Variants in TTC27 observed in about 807,000 individuals in gnomAD.
TTC27 encodes tetratricopeptide repeat protein 27.
Under a neutral mutation model 115.9 loss-of-function variants are expected in TTC27, and 79 were observed. That is an observed-to-expected ratio of 0.68 (90% CI 0.57 to 0.82). The LOEUF (loss-of-function observed/expected upper bound fraction) is 0.82, where lower values mean the gene tolerates loss of function less well. Ranked by LOEUF, TTC27 falls within the 40% of genes least tolerant of loss-of-function variation. TTC27 has a pLI of 0.00. For synonymous variants in TTC27, 401 were observed against 356.0 expected (o/e 1.13, Z -1.42); for missense variants, 1,054 against 993.1 (o/e 1.06, Z -0.82).
chr2:32,633,316 G>T (rs1211476348), intron 2 of TTC27, among the ~76,000 whole-genome samples: 1 of 152,178 alleles, frequency 6.6e-6, no homozygotes, highest in East Asian at 1.9e-4. Flanking sequence ...TGGAAAGTAT[G>T]ACTAAGGAAC....
chr2:32,693,509 A>G (rs1666884534), intron 9 of TTC27, among the ~76,000 whole-genome samples: 1 of 152,234 alleles, frequency 6.6e-6, no homozygotes. Context: ...ACAAGGAAAT[A>G]TAAATCAACC....
Position 32,776,945 on chromosome 2 carries a change from G to A in TTC27, c.1681-937G>A, listed in dbSNP as rs142957555. On this transcript the variant is annotated intron_variant, in intron 13 of 19. Transcript: ENST00000317907. Reference sequence around the variant, plus strand: ...TAGTTTTATCTCCCTTTTGACAGAGGCTATTGAATTTTAAGGAAATATTAT... The same window carrying A: ...TAGTTTTATCTCCCTTTTGACAGAGACTATTGAATTTTAAGGAAATATTAT... 2.4e-3 allele frequency among the ~76,000 whole-genome samples: 372 copies of A among 152,164 alleles called. 1 individual carries two copies. Among genetic ancestry groups the A allele is most frequent in the African/African-American group, 8.3e-3 (345 of 41,476 alleles).
chr2:32,743,415 C>T (rs1308262922), intron 12 of TTC27, among the ~76,000 whole-genome samples: 1 of 152,174 alleles, frequency 6.6e-6, no homozygotes, highest in Non-Finnish European at 1.5e-5. Flanking sequence ...TCATCCCTGA[C>T]AGAGTGCTTC....
At chr2:32,688,190 C>A (rs1190168816) in intron 9 of TTC27, among the ~76,000 whole-genome samples, 1 of 152,090 alleles carries the variant, frequency 6.6e-6, no homozygotes, top group African/African-American at 2.4e-5. Context: ...TAGAAAAACT[C>A]CAGATGTTTG....
intron 9 of TTC27, among the ~76,000 whole-genome samples, chr2:32,679,170 G>C (rs1471974767): frequency 2.0e-5 from 3 of 152,190 alleles, no homozygotes; most frequent in Non-Finnish European, 4.4e-5. Context: ...AGGACCAGGA[G>C]ACCATGGGTT....
chr2:32,684,393 A>G (rs900820217), intron 9 of TTC27, among the ~76,000 whole-genome samples: 2 of 151,974 alleles, frequency 1.3e-5, no homozygotes, highest in African/African-American at 4.8e-5. Context: ...ATACGTGTGC[A>G]TGTGTCTAAA....
At chr2:32,767,699 G>T (rs1389707095) in intron 13 of TTC27, among the ~76,000 whole-genome samples, 1 of 150,786 alleles carries the variant, frequency 6.6e-6, no homozygotes. Flanking sequence ...CTGACCTCAT[G>T]ATCCACCCGC....
rs184337451 is a variant in TTC27 at position 32,778,009 on chromosome 2, G to T, written c.1779+29G>T. On this transcript the variant is annotated intron_variant, in intron 14 of 19. Coordinates refer to ENST00000317907, the MANE Select transcript of TTC27 (RefSeq NM_017735.5). ...AGTTTGTTTGATCTTCTGTCCTTAC[G>T]TGGCTCTTTACTCTCTAAGTTGTTG... is the stretch of plus-strand genomic sequence containing the variant. The T allele has an allele frequency of 1.4e-5, 23 of 1,605,052 alleles. No homozygotes were observed. In the African/African-American group the frequency reaches 2.7e-4, roughly 19 times the overall value.
At chr2:32,786,347 C>T (rs1670347090) in intron 15 of TTC27, among the ~76,000 whole-genome samples, 1 of 152,018 alleles carries the variant, frequency 6.6e-6, no homozygotes, top group South Asian at 2.1e-4. Context: ...CTCTGTTGGC[C>T]AGGCTGGTCT....
intron 18 of TTC27, among the ~76,000 whole-genome samples, chr2:32,814,892 C>G (rs1671446708): frequency 6.6e-6 from 1 of 152,094 alleles, no homozygotes; most frequent in South Asian, 2.1e-4. Context: ...CACCGTATCC[C>G]CATCATTAAG....
chr2:32,654,523 G>A (rs368252569), intron 5 of TTC27, among the ~76,000 whole-genome samples: 4 of 151,998 alleles, frequency 2.6e-5, no homozygotes, highest in African/African-American at 7.3e-5. Flanking sequence ...ACAGGGTATA[G>A]CATTTCATGT....
chr2:32,817,473 TA>T lies in TTC27; in HGVS notation c.2330del (p.Asn777ThrfsTer42). On this transcript the variant is annotated frameshift_variant, in exon 19 of 20. Transcript: ENST00000317907. LOFTEE classifies it high-confidence loss of function. The stretch of plus-strand genomic sequence containing the variant: ...ATCTTCCAGTGGCCATAAAATGCAG[TA>T]AAAACAAATCCAGTTCCCAAGAAGC... ...GLAHVAIKCS[K>X]NKSSSQEAVQ... The T allele has an allele frequency of 3.1e-6, 5 of 1,614,026 alleles. No individual in the cohort carries two copies. Among genetic ancestry groups the T allele is most frequent in the Non-Finnish European group, 4.2e-6 (5 of 1,179,948 alleles).
At chr2:32,683,631 T>C (rs1436453118) in intron 9 of TTC27, among the ~76,000 whole-genome samples, 2 of 152,188 alleles carry the variant, frequency 1.3e-5, no homozygotes, top group African/African-American at 2.4e-5. Flanking sequence ...TTCTGAGATA[T>C]TATATCTGCA....
intron 18 of TTC27, 121 bp from the exon 19 acceptor site, chr2:32,817,336 C>T (rs1323291736): frequency 3.7e-5 from 26 of 706,934 alleles, no homozygotes; most frequent in Non-Finnish European, 6.1e-5. Context: ...AAAAACTTTC[C>T]AGGTAGAAGT....
intron 13 of TTC27, among the ~76,000 whole-genome samples, chr2:32,760,724 A>G (rs971564737): frequency 6.6e-6 from 1 of 152,184 alleles, no homozygotes; most frequent in Non-Finnish European, 1.5e-5. Flanking sequence ...CCCTAGCTGC[A>G]GTTGCCTTAT....
intron 12 of TTC27, among the ~76,000 whole-genome samples, chr2:32,754,871 G>C (rs1669157773): frequency 6.6e-6 from 1 of 150,722 alleles, no homozygotes; most frequent in Non-Finnish European, 1.5e-5. Context: ...GCCAGGCGGG[G>C]GGGCTGACCC....
intron 10 of TTC27, among the ~76,000 whole-genome samples, chr2:32,712,404 A>G (rs542020137): frequency 2.0e-5 from 3 of 152,194 alleles, no homozygotes; most frequent in Non-Finnish European, 4.4e-5. Context: ...AAACTATTTT[A>G]ATGGCTATGA....
At chr2:32,735,712 TA>T (rs1303594671) in intron 11 of TTC27, among the ~76,000 whole-genome samples, 1 of 152,218 alleles carries the variant, frequency 6.6e-6, no homozygotes, top group East Asian at 1.9e-4. Flanking sequence ...CTTCATCTGT[TA>T]AATGAAGATA....
chr2:32,691,129 GA>G (rs1666794625), intron 9 of TTC27, among the ~76,000 whole-genome samples: 1 of 152,100 alleles, frequency 6.6e-6, no homozygotes, highest in Admixed American at 6.6e-5. Context: ...GAATGAGAAG[GA>G]AATTTGTTTT....
Sources: gnomAD v4.1 joint callset for allele counts (sites outside exome capture counted in the v4.1 genomes callset) on GRCh38, gnomAD v4.1.1 for gene constraint, MANE v1.5 for transcripts, NCBI Gene and HGNC (gene_info 2026-07-23, HGNC 2026-07-21) for gene names.